The following PLEKHA1 variants were observed in gnomAD, a reference collection of about 807,000 sequenced individuals.
The protein encoded by PLEKHA1 is pleckstrin homology domain-containing family A member 1.
In PLEKHA1, 34 loss-of-function variants were observed where a neutral mutation model predicts 52.0. The ratio of observed to expected loss-of-function variants is 0.65; its 90% CI spans 0.50 to 0.87. PLEKHA1 has a LOEUF of 0.87. Among genes scored for constraint, PLEKHA1 ranks in the 40% least tolerant of loss-of-function variants. The pLI, the probability that PLEKHA1 is intolerant of heterozygous loss-of-function variation, is 0.00. For synonymous variants in PLEKHA1, 163 were observed against 170.7 expected (o/e 0.95, Z 0.35); for missense variants, 497 against 504.2 (o/e 0.99, Z 0.14).
intron 11 of PLEKHA1, among the ~76,000 whole-genome samples, chr10:122,427,653 A>G (rs1199689833): frequency 6.6e-6 from 1 of 152,218 alleles, no homozygotes; most frequent in African/African-American, 2.4e-5. Flanking sequence ...TTGAAATACA[A>G]CTAAACATTC....
chr10:122,414,345 G>A (rs1362394517), intron 6 of PLEKHA1, among the ~76,000 whole-genome samples: 1 of 151,982 alleles, frequency 6.6e-6, no homozygotes, highest in Non-Finnish European at 1.5e-5. Flanking sequence ...TAGTTTCTAG[G>A]ATTTTATGGA....
chr10:122,398,130 C>T (rs1319494825), intron 3 of PLEKHA1, among the ~76,000 whole-genome samples, 156 bp downstream of exon 3: 5 of 151,986 alleles, frequency 3.3e-5, no homozygotes, highest in Non-Finnish European at 7.4e-5. Flanking sequence ...TTAGGAAATT[C>T]TTTAAATCGA....
At chr10:122,414,887 G>GT (rs1479463341) in intron 6 of PLEKHA1, among the ~76,000 whole-genome samples, 9 of 136,560 alleles carry the variant, frequency 6.6e-5, no homozygotes, top group East Asian at 2.1e-4. Context: ...TAGTGTTTAT[G>GT]TTTTGTTTTT....
At chr10:122,435,298 CAAGT>C (rs1408529116), downstream of PLEKHA1, 11 of 152,290 alleles carry the variant, frequency 7.2e-5, no homozygotes, top group Admixed American at 5.9e-4. Flanking sequence ...TTTTAAACCT[CAAGT>C]AAGACACATG....
At chr10:122,426,858 A>T in intron 10 of PLEKHA1, 84 bp from the exon 11 acceptor site, 1 of 1,164,914 alleles carries the variant, frequency 8.6e-7, no homozygotes, top group Non-Finnish European at 1.2e-6. Flanking sequence ...ACAGTATTTT[A>T]AGTTATCAAA....
At chr10:122,397,875 C>CATTTT in intron 2 of PLEKHA1, 43 bp from the exon 3 acceptor site, 1 of 1,369,348 alleles carries the variant, frequency 7.3e-7, no homozygotes, top group Non-Finnish European at 1.0e-6. Context: ...AAAATGAATT[C>CATTTT]ATAATATTGG....
At position 122,381,172 on chromosome 10, in the gene PLEKHA1, T is replaced by C. The variant is rs150030254; in HGVS notation, c.-21+6366T>C. 1.5e-4 allele frequency among the ~76,000 whole-genome samples: 23 copies of C among 152,304 alleles called. No individual in the cohort carries two copies. In the East Asian group the frequency reaches 4.4e-3, roughly 29 times the overall value. On this transcript the variant is annotated intron_variant, in intron 1 of 11. Coordinates refer to ENST00000368990, the MANE Select transcript of PLEKHA1 (RefSeq NM_001001974.4). ...ATGTTGAGAATAGATTGAAGTGGGGTAAGGGCCAGATCCAGGAGAGGCCCT... is the reference window on the plus strand; with the variant it reads ...ATGTTGAGAATAGATTGAAGTGGGGCAAGGGCCAGATCCAGGAGAGGCCCT...
chr10:122,392,884 A>G (rs964534893), intron 1 of PLEKHA1, among the ~76,000 whole-genome samples: 21 of 151,816 alleles, frequency 1.4e-4, no homozygotes, highest in African/African-American at 4.8e-4. Context: ...TTGGATAACT[A>G]TTTTTTTTGG....
Position 122,427,012 on chromosome 10 carries a change from C to G in PLEKHA1, c.881C>G (p.Pro294Arg), listed in dbSNP as rs2097348512. 9 of 1,613,704 alleles carry G rather than the reference C, an allele frequency of 5.6e-6. No individual in the cohort carries two copies. The highest frequency in any genetic ancestry group is 7.6e-6 in the Non-Finnish European group (9 of 1,179,774). ...GGCGCCATTGTAGCACAGCGGGGTCCCGGCAGATCTGCGTCTTCTGTAGGT... is the reference window on the plus strand; with the variant it reads ...GGCGCCATTGTAGCACAGCGGGGTCGCGGCAGATCTGCGTCTTCTGTAGGT... ...VSGAIVAQRG[P>R]GRSASSEHPP... Residue 294 changes from proline to arginine, a missense_variant, in exon 11 of 12, where the codon CCC becomes CGC. Physicochemically the swap from Pro to Arg is moderately radical, Grantham distance 103. Transcript: ENST00000368990.
chr10:122,406,331 C>CT lies in PLEKHA1; in HGVS notation c.245-244dup, dbSNP rs558257359. ...CAAAAACCGGAAATAGCCTAAGTGT[C>CT]TATCATTAGGGGATTGACTAAATGT... On this transcript the variant is annotated intron_variant, in intron 4 of 11. Transcript: ENST00000368990. 2.9e-3 allele frequency among the ~76,000 whole-genome samples: 447 copies of CT among 152,260 alleles called. 3 individuals are homozygous for CT. The highest frequency in any genetic ancestry group is 4.7e-3 in the Non-Finnish European group (317 of 68,022).
intron 11 of PLEKHA1, among the ~76,000 whole-genome samples, chr10:122,428,864 A>T (rs983584890): frequency 3.9e-5 from 6 of 152,158 alleles, no homozygotes; most frequent in Admixed American, 1.3e-4. Context: ...ATAGCAATGT[A>T]TTTAGAATGG....
Position 122,412,942 on chromosome 10 carries a change from A to G in PLEKHA1, c.365A>G (p.Gln122Arg). Residue 122 changes from glutamine to arginine, a missense_variant, in exon 6 of 12, where the codon CAG (glutamine) becomes CGG (arginine). By Grantham distance (43) the Gln-to-Arg change is conservative. Transcript: ENST00000368990. ...KITVPKQSDS[Q>R]PNSDNLSRHG... Reference sequence around the variant, plus strand: ...CAGGTACCAAAGCAGTCAGACTCACAGCCTAATTCTGATAACCTAAGTCGC... The same window carrying G: ...CAGGTACCAAAGCAGTCAGACTCACGGCCTAATTCTGATAACCTAAGTCGC... 1 of 1,613,382 alleles carries G rather than the reference A, an allele frequency of 6.2e-7. No individual in the cohort carries two copies. Among genetic ancestry groups the G allele is most frequent in the African/African-American group, 1.3e-5 (1 of 75,014 alleles).
chr10:122,396,233 G>T (rs1460079367), intron 2 of PLEKHA1, among the ~76,000 whole-genome samples: 2 of 151,926 alleles, frequency 1.3e-5, no homozygotes, highest in African/African-American at 2.4e-5. Flanking sequence ...AAACTGAAAA[G>T]AAATAAATTA....
chr10:122,402,314 C>G (rs552165430), intron 4 of PLEKHA1, among the ~76,000 whole-genome samples: 1 of 152,282 alleles, frequency 6.6e-6, no homozygotes, highest in South Asian at 2.1e-4. Flanking sequence ...AGTAAAGATT[C>G]ATGAAATGCT....
intron 1 of PLEKHA1, among the ~76,000 whole-genome samples, chr10:122,378,746 A>T (rs1238464574): frequency 6.6e-6 from 1 of 151,868 alleles, no homozygotes; most frequent in Non-Finnish European, 1.5e-5. Flanking sequence ...CTCCAAAAAA[A>T]AAAAAAAAAC....
At chr10:122,394,091 T>C (rs75443993) in intron 2 of PLEKHA1, among the ~76,000 whole-genome samples, 1 of 115,844 alleles carries the variant, frequency 8.6e-6, no homozygotes, top group Non-Finnish European at 2.0e-5. Context: ...TTTTTTTTTT[T>C]TTTTGAGATG....
At chr10:122,395,247 C>T (rs1403294347) in intron 2 of PLEKHA1, among the ~76,000 whole-genome samples, 2 of 152,104 alleles carry the variant, frequency 1.3e-5, no homozygotes, top group African/African-American at 4.8e-5. Context: ...AGAATTAATG[C>T]ATTGGCTTTT....
chr10:122,420,939 A>C (rs1590862703), intron 8 of PLEKHA1: 2 of 152,336 alleles, frequency 1.3e-5, no homozygotes, highest in South Asian at 2.1e-4. Context: ...CTGATTGATA[A>C]AATCAAGAAC....
intron 1 of PLEKHA1, among the ~76,000 whole-genome samples, chr10:122,383,556 A>G (rs1386133501): frequency 1.3e-5 from 2 of 150,606 alleles, no homozygotes; most frequent in African/African-American, 4.9e-5. Flanking sequence ...AGCTCACACA[A>G]TCCTCCTGCC....
Sources: allele counts gnomAD v4.1 joint callset (sites outside exome capture counted in the v4.1 genomes callset), GRCh38; gene constraint gnomAD v4.1.1; transcripts MANE v1.5; gene names NCBI Gene and HGNC (gene_info 2026-07-23, HGNC 2026-07-21).